Variants in DSCAM observed in about 807,000 individuals in gnomAD.
The protein encoded by DSCAM is cell adhesion molecule DSCAM.
A neutral mutation model predicts 217.7 loss-of-function variants in DSCAM; 47 were observed. The ratio of observed to expected loss-of-function variants is 0.22; its 90% CI spans 0.17 to 0.28. The LOEUF (loss-of-function observed/expected upper bound fraction) is 0.28, where lower values mean the gene tolerates loss of function less well. Among genes scored for constraint, DSCAM ranks in the 10% least tolerant of loss-of-function variants. The pLI is 1.00. For missense variants in DSCAM, 2,080 were observed against 2,618.3 expected (o/e 0.79, Z 4.49); for synonymous variants, 1,056 against 1,015.3 (o/e 1.04, Z -0.76).
intron 1 of DSCAM, among the ~76,000 whole-genome samples, chr21:40,815,499 C>T (rs1368957397): frequency 3.3e-5 from 5 of 152,186 alleles, no homozygotes. Context: ...AAATTTTCCA[C>T]CACTAATCAA....
At chr21:40,721,781 A>G (rs2090903106) in intron 1 of DSCAM, among the ~76,000 whole-genome samples, 1 of 152,150 alleles carries the variant, frequency 6.6e-6, no homozygotes, top group African/African-American at 2.4e-5. Context: ...GAAGTTTCAA[A>G]CTTTAATGAA....
intron 3 of DSCAM, among the ~76,000 whole-genome samples, chr21:40,376,669 A>ATATCTTATATAGATATC (rs2074965349): frequency 5.6e-5 from 6 of 108,024 alleles, no homozygotes; most frequent in African/African-American, 1.9e-4. Context: ...TATCTTATAT[A>ATATCTTATATAGATATC]GATATCTATA....
chr21:40,391,777 T>C (rs916255282), intron 3 of DSCAM, among the ~76,000 whole-genome samples: 2 of 152,240 alleles, frequency 1.3e-5, no homozygotes, highest in Non-Finnish European at 2.9e-5. Flanking sequence ...CGGAAATTTC[T>C]CGTTGCAAAA....
At chr21:40,516,888 C>CAT (rs55695954) in intron 3 of DSCAM, among the ~76,000 whole-genome samples, 3,971 of 143,358 alleles carry the variant, frequency 0.028, 57 homozygotes, top group South Asian at 0.05. Context: ...ACACACACAC[C>CAT]ATATATATAT....
intron 3 of DSCAM, among the ~76,000 whole-genome samples, chr21:40,426,337 C>G (rs2145885785): frequency 6.6e-6 from 1 of 152,300 alleles, no homozygotes; most frequent in East Asian, 1.9e-4. Context: ...GTGCTGCTTC[C>G]TTTTCTCTCC....
At chr21:40,173,946 AG>A (rs1317037147) in intron 15 of DSCAM, among the ~76,000 whole-genome samples, 1 of 152,194 alleles carries the variant, frequency 6.6e-6, no homozygotes, top group African/African-American at 2.4e-5. Context: ...AAAATAATGA[AG>A]GGGGCAGCCA....
intron 11 of DSCAM, among the ~76,000 whole-genome samples, chr21:40,218,355 C>CT: frequency 6.6e-6 from 1 of 152,054 alleles, no homozygotes; most frequent in East Asian, 1.9e-4. Flanking sequence ...GGACGATGAG[C>CT]CTGTTTTTGT....
intron 1 of DSCAM, among the ~76,000 whole-genome samples, chr21:40,738,394 CCTT>C (rs1467063877): frequency 2.6e-5 from 4 of 152,108 alleles, no homozygotes; most frequent in Non-Finnish European, 5.9e-5. Flanking sequence ...CTTCTTCTGC[CCTT>C]CATTAAGGAC....
chr21:40,314,937 C>G (rs2074179608), intron 8 of DSCAM, among the ~76,000 whole-genome samples: 1 of 152,126 alleles, frequency 6.6e-6, no homozygotes, highest in South Asian at 2.1e-4. Context: ...AGTTTCTTAG[C>G]ATTTGTTCTA....
intron 1 of DSCAM, among the ~76,000 whole-genome samples, chr21:40,748,490 C>T (rs748146304): frequency 6.6e-6 from 1 of 151,820 alleles, no homozygotes; most frequent in African/African-American, 2.4e-5. Context: ...ACAATAGTTA[C>T]AAGGTATAAA....
At position 40,416,272 on chromosome 21, in the gene DSCAM, C is replaced by T. The variant is rs141342245; in HGVS notation, c.509-47027G>A. On this transcript the variant is annotated intron_variant, in intron 3 of 32. Coordinates refer to ENST00000400454, the MANE Select transcript of DSCAM (RefSeq NM_001389.5). ...ATTGGTTTCTCCCCTTTCTGAACTC[C>T]GTTACCCTTATTTGTACTGATCGCT... Among the ~76,000 whole-genome samples, 36 of 152,266 alleles carry T rather than the reference C, an allele frequency of 2.4e-4. 1 individual carries two copies. Among genetic ancestry groups the T allele is most frequent in the South Asian group, 1.5e-3 (7 of 4,820 alleles).
intron 1 of DSCAM, among the ~76,000 whole-genome samples, chr21:40,720,194 G>C (rs2090886873): frequency 6.6e-6 from 1 of 152,200 alleles, no homozygotes; most frequent in South Asian, 2.1e-4. Context: ...TGATTTCATA[G>C]GAATACGTGA....
At chr21:40,782,254 G>A (rs1435555375) in intron 1 of DSCAM, among the ~76,000 whole-genome samples, 2 of 151,914 alleles carry the variant, frequency 1.3e-5, no homozygotes, top group Non-Finnish European at 2.9e-5. Context: ...CAACTCCAAT[G>A]GTATCACGTC....
chr21:40,061,569 CAAAAAAAAA>C lies in DSCAM; in HGVS notation c.4919+1291_4919+1299del, dbSNP rs1223587491. 5.7e-3 allele frequency among the ~76,000 whole-genome samples: 495 copies of C among 86,390 alleles called. 5 individuals carry two copies. Among genetic ancestry groups the C allele is most frequent in the African/African-American group, 0.02 (479 of 24,050 alleles). 56.7% of individuals were successfully genotyped at this position (86,390 alleles called of 152,430 possible). A position where few individuals can be genotyped will look rare whatever the true frequency, so the allele number is the denominator to read the frequency against. The stretch of plus-strand genomic sequence containing the variant: ...GGGCGACAAGAGCAAAACTCTGTCC[CAAAAAAAAA>C]AAAAAAAGAAAAAGGAAAAGACTTA... On this transcript the variant is annotated intron_variant, in intron 28 of 32. Transcript: ENST00000400454.
chr21:40,021,220 A>AG (rs908499101), intron 32 of DSCAM, among the ~76,000 whole-genome samples: 15 of 151,684 alleles, frequency 9.9e-5, no homozygotes, highest in South Asian at 2.1e-4. Flanking sequence ...AAAAAAAAAA[A>AG]AAAAAAGAAA....
At chr21:40,621,825 G>A (rs2089521468) in intron 3 of DSCAM, among the ~76,000 whole-genome samples, 1 of 147,714 alleles carries the variant, frequency 6.8e-6, no homozygotes, top group African/African-American at 2.5e-5. Context: ...AATGTACAAA[G>A]GGATGGATCA....
chr21:40,370,828 C>T (rs1322412241), intron 3 of DSCAM, among the ~76,000 whole-genome samples: 4 of 152,008 alleles, frequency 2.6e-5, no homozygotes, highest in African/African-American at 7.3e-5. Flanking sequence ...CACCATGTTG[C>T]CCAGGCTGGT....
Position 40,583,808 on chromosome 21 carries a change from GGCT to G in DSCAM, c.508+108999_508+109001del, listed in dbSNP as rs2076923153. Among the ~76,000 whole-genome samples the G allele has an allele frequency of 2.6e-5, 4 of 151,800 alleles. No individual in the cohort carries two copies. In the South Asian group the frequency reaches 8.3e-4, roughly 32 times the overall value. On this transcript the variant is annotated intron_variant, in intron 3 of 32. Transcript: ENST00000400454. ...TGCGGGGGATGCTGATAACAAGGGA[GGCT>G]GTGCATGTGTGGGATCAGGGGTGTA...
intron 11 of DSCAM, among the ~76,000 whole-genome samples, chr21:40,226,631 A>G (rs1230832153): frequency 6.6e-6 from 1 of 152,212 alleles, no homozygotes; most frequent in Non-Finnish European, 1.5e-5. Context: ...AAATGAACCC[A>G]AAGTCATTCT....
Sources: gnomAD v4.1 joint callset for allele counts (sites outside exome capture counted in the v4.1 genomes callset) on GRCh38, gnomAD v4.1.1 for gene constraint, MANE v1.5 for transcripts, NCBI Gene and HGNC (gene_info 2026-07-23, HGNC 2026-07-21) for gene names.